Variants in PAX2 observed in about 807,000 individuals in gnomAD.
PAX2 encodes the protein paired box protein Pax-2.
In PAX2, 9 loss-of-function variants were observed where a neutral mutation model predicts 41.7. The observed-to-expected ratio is 0.22, with a 90% CI of 0.13 to 0.38. PAX2 has a LOEUF of 0.38. Among genes scored for constraint, PAX2 ranks in the 10% least tolerant of loss-of-function variants. PAX2 has a pLI of 1.00. For synonymous variants in PAX2, 221 were observed against 212.7 expected (o/e 1.04, Z -0.34); for missense variants, 418 against 531.6 (o/e 0.79, Z 2.10).
rs1004678070 is a variant in PAX2 at position 100,789,703 on chromosome 10, GA to G, written c.616+8346del. ...GTCAGCACTCACCAAAACACAGGGG[GA>G]AAAAAAACTCATTTATGAACACACA... On this transcript the variant is annotated intron_variant, in intron 5 of 9. Transcript: ENST00000355243. Among the ~76,000 whole-genome samples, 52 of 151,864 alleles carry G rather than the reference GA, an allele frequency of 3.4e-4. No homozygotes were observed. The East Asian group carries it at 3.5e-3, about 10-fold the overall frequency.
chr10:100,794,182 TG>T, intron 5 of PAX2, among the ~76,000 whole-genome samples: 1 of 152,360 alleles, frequency 6.6e-6, no homozygotes, highest in Middle Eastern at 3.4e-3. Flanking sequence ...CAGCCCTGCC[TG>T]GACATATGTC....
In PAX2 at chr10:100,760,450, C is replaced by T. The variant is rs902241411; in HGVS notation, c.410+9559C>T. 5.9e-5 allele frequency among the ~76,000 whole-genome samples: 9 copies of T among 152,182 alleles called. 1 individual carries two copies. The highest frequency in any genetic ancestry group is 2.2e-4 in the African/African-American group (9 of 41,430). On this transcript the variant is annotated intron_variant, in intron 3 of 9. Transcript: ENST00000355243. ...CTGAAAGGTACACACAGGGTCCCGA[C>T]ACATCTAGTCTGTGTGCATGCACAA...
chr10:100,768,717 A>G (rs1204349265), intron 3 of PAX2, among the ~76,000 whole-genome samples: 2 of 152,234 alleles, frequency 1.3e-5, no homozygotes, highest in Non-Finnish European at 2.9e-5. Flanking sequence ...ACAGACATTG[A>G]AGTCACAAGC....
chr10:100,739,626 C>T (rs2133811699), intron 1 of PAX2, among the ~76,000 whole-genome samples: 1 of 152,342 alleles, frequency 6.6e-6, no homozygotes, highest in African/African-American at 2.4e-5. Flanking sequence ...CCTCTGGTCT[C>T]CCAGCCTCTG....
chr10:100,824,709 G>T lies in PAX2; in HGVS notation c.981G>T (p.Gln327His). 2.5e-6 allele frequency: 4 copies of T among 1,610,118 alleles called. No individual in the cohort carries two copies. Among genetic ancestry groups the T allele is most frequent in the Non-Finnish European group, 3.4e-6 (4 of 1,176,488 alleles). ...GYPPHVPPTG[Q>H]GSYPTSTLAG... ...CCCCTCACGTGCCCCCCACTGGCCA[G>T]GGAAGCTACCCCACCTCCACCCTGG... The change falls in exon 8 of 10, where the codon CAG (glutamine) becomes CAT (histidine). Residue 327 changes from glutamine to histidine, a missense_variant. Coordinates refer to ENST00000355243, the MANE Select transcript of PAX2 (RefSeq NM_000278.5). This position sits in a 1 kb window ranked among gnomAD's most constrained non-coding sequence, Gnocchi z 6.6.
intron 1 of PAX2, among the ~76,000 whole-genome samples, chr10:100,739,435 G>A (rs1195211558): frequency 6.6e-6 from 1 of 152,228 alleles, no homozygotes; most frequent in Non-Finnish European, 1.5e-5. Context: ...AGAGGAGGAA[G>A]GAAAGGCGGG....
chr10:100,813,288 G>A (rs554365808), intron 7 of PAX2, among the ~76,000 whole-genome samples: 1 of 152,282 alleles, frequency 6.6e-6, no homozygotes, highest in Non-Finnish European at 1.5e-5. Context: ...GTCACAGAGA[G>A]GTAAAGGAGG....
chr10:100,789,782 A>G (rs926166936), intron 5 of PAX2, among the ~76,000 whole-genome samples: 2 of 152,212 alleles, frequency 1.3e-5, no homozygotes, highest in Non-Finnish European at 2.9e-5. Flanking sequence ...AACTGTTCAT[A>G]CCTGAGGGGG....
At chr10:100,823,834 C>T (rs1014971679) in intron 7 of PAX2, among the ~76,000 whole-genome samples, 4 of 152,128 alleles carry the variant, frequency 2.6e-5, no homozygotes, top group African/African-American at 7.2e-5. Context: ...GAGGACATGT[C>T]GGTGGACCAG....
chr10:100,758,463 A>G (rs1393455960), intron 3 of PAX2, among the ~76,000 whole-genome samples: 1 of 152,188 alleles, frequency 6.6e-6, no homozygotes, highest in East Asian at 1.9e-4. Context: ...CTATTCTAGA[A>G]ACGTTCAGGT....
intron 6 of PAX2, 54 bp downstream of exon 6, chr10:100,806,659 C>A: frequency 6.5e-7 from 1 of 1,540,544 alleles, no homozygotes; most frequent in Non-Finnish European, 8.9e-7. Flanking sequence ...CAGAGCAAGG[C>A]CTCTCAAAAA....
At chr10:100,773,285 T>G (rs1215407094) in intron 3 of PAX2, among the ~76,000 whole-genome samples, 1 of 152,128 alleles carries the variant, frequency 6.6e-6, no homozygotes, top group East Asian at 1.9e-4. Context: ...TTGTTTTTGT[T>G]TTTAAACTGG....
At chr10:100,751,258 C>T (rs1212680160) in intron 3 of PAX2, among the ~76,000 whole-genome samples, 1 of 152,236 alleles carries the variant, frequency 6.6e-6, no homozygotes, top group African/African-American at 2.4e-5. Flanking sequence ...TCCCTCCAAA[C>T]AGACTGGCCT....
chr10:100,770,484 G>A (rs1846173239), intron 3 of PAX2, among the ~76,000 whole-genome samples: 1 of 152,184 alleles, frequency 6.6e-6, no homozygotes, highest in African/African-American at 2.4e-5. Flanking sequence ...TAAACACATT[G>A]CCCCTTAATT....
chr10:100,757,977 G>C (rs905535546), intron 3 of PAX2, among the ~76,000 whole-genome samples: 3 of 152,178 alleles, frequency 2.0e-5, no homozygotes, highest in Non-Finnish European at 4.4e-5. Flanking sequence ...CGAGGCCGTA[G>C]AGCCAGGGTC....
chr10:100,742,823 C>T (rs1457290371), upstream of PAX2, among the ~76,000 whole-genome samples: 1 of 136,402 alleles, frequency 7.3e-6, no homozygotes, highest in Non-Finnish European at 1.6e-5. Flanking sequence ...CTTTCTTTTC[C>T]CCTTTCCTCT....
At chr10:100,798,873 T>G (rs1847433143) in intron 5 of PAX2, among the ~76,000 whole-genome samples, 1 of 152,204 alleles carries the variant, frequency 6.6e-6, no homozygotes, top group Non-Finnish European at 1.5e-5. Flanking sequence ...GGTCCTGCTG[T>G]GCCGCCGTGG....
At position 100,827,461 on chromosome 10, in the gene PAX2, T is replaced by A. The variant is rs184234061; in HGVS notation, c.1109-82T>A. The A allele has an allele frequency of 9.9e-4, 1,398 of 1,406,020 alleles. 6 individuals are homozygous for A. The African/African-American group carries it at 0.015, about 15-fold the overall frequency. The allele number at this position is 1,406,020 out of a possible 1,614,324, so 87.1% of individuals were successfully genotyped here. Reference sequence around the variant, plus strand: ...CCCGCTGGACCCCAGCCAGGGGAGGTCTTTTCTGTGCTTTTCTTTCCTTTT... The same window carrying A: ...CCCGCTGGACCCCAGCCAGGGGAGGACTTTTCTGTGCTTTTCTTTCCTTTT... On this transcript the variant is annotated intron_variant, in intron 9 of 9. Coordinates refer to ENST00000355243, the MANE Select transcript of PAX2 (RefSeq NM_000278.5). This position sits in a 1 kb window ranked among gnomAD's most constrained non-coding sequence, Gnocchi z 8.5.
intron 5 of PAX2, among the ~76,000 whole-genome samples, chr10:100,786,077 T>G (rs918242502): frequency 6.6e-6 from 1 of 152,208 alleles, no homozygotes; most frequent in Non-Finnish European, 1.5e-5. Context: ...GGTTTATGTT[T>G]CATGAGGAAA....
Sources: allele counts gnomAD v4.1 joint callset (sites outside exome capture counted in the v4.1 genomes callset), GRCh38; gene constraint gnomAD v4.1.1; non-coding constraint Gnocchi (gnomAD v3.1); transcripts MANE v1.5; gene names NCBI Gene and HGNC (gene_info 2026-07-23, HGNC 2026-07-21).